Variants in APAF1 observed in about 807,000 individuals in gnomAD.
APAF1 encodes the protein apoptotic protease-activating factor 1.
In APAF1, 91 loss-of-function variants were observed where a neutral mutation model predicts 152.4. That is an observed-to-expected ratio of 0.60 (90% CI 0.50 to 0.71). The LOEUF is 0.71. Ranked by LOEUF, APAF1 falls within the 30% of genes least tolerant of loss-of-function variation. The pLI, the probability that APAF1 is intolerant of heterozygous loss-of-function variation, is 0.00. For missense variants in APAF1, 1,283 were observed against 1,472.0 expected (o/e 0.87, Z 2.10); for synonymous variants, 484 against 494.1 (o/e 0.98, Z 0.27).
In APAF1 at chr12:98,659,301, C is replaced by A. The variant is rs778498609; in HGVS notation, c.668C>A (p.Ala223Asp). 1 of 1,614,042 alleles carries A rather than the reference C, an allele frequency of 6.2e-7. No homozygotes were observed. The highest frequency in any genetic ancestry group is 8.5e-7 in the Non-Finnish European group (1 of 1,180,026). The part of the protein sequence containing the change: ...SQRLPLNIEE[A>D]KDRLRILMLR... ...AGGCTTCCACTTAATATTGAAGAGG[C>A]TAAAGACCGTCTCCGCATTCTGATG... Residue 223 changes from alanine to aspartate, a missense_variant, in exon 5 of 27, where the codon GCT becomes GAT. Physicochemically the swap from Ala to Asp is moderately radical, Grantham distance 126. Transcript: ENST00000551964.
chr12:98,667,762 T>C (rs2097675015), intron 10 of APAF1, 118 bp downstream of exon 10: 1 of 856,362 alleles, frequency 1.2e-6, no homozygotes, highest in Non-Finnish European at 1.7e-6. Context: ...TGCTTTCCAT[T>C]TGATTTTTTT....
intron 11 of APAF1, 60 bp from the exon 12 acceptor site, chr12:98,671,475 T>C (rs2097680038): frequency 2.6e-6 from 4 of 1,529,286 alleles, no homozygotes; most frequent in African/African-American, 1.4e-5. Context: ...ATCACAGAAA[T>C]GGAAAAATGT....
At chr12:98,706,340 A>T in intron 18 of APAF1, 145 bp from the exon 19 acceptor site, 1 of 825,346 alleles carries the variant, frequency 1.2e-6, no homozygotes, top group South Asian at 1.4e-5. Context: ...TCTTCTGCAT[A>T]AGACATTTTG....
chr12:98,712,596 A>T, intron 21 of APAF1, 161 bp downstream of exon 21: 1 of 606,816 alleles, frequency 1.6e-6, no homozygotes, highest in South Asian at 1.9e-5. Flanking sequence ...AGCCGACTGC[A>T]GCCTTGACCT....
At chr12:98,680,443 A>G in intron 14 of APAF1, 41 bp downstream of exon 14, 2 of 1,600,414 alleles carry the variant, frequency 1.2e-6, no homozygotes, top group Non-Finnish European at 1.7e-6. Context: ...TCACAACAGA[A>G]TTCATTTTAT....
At chr12:98,673,860 A>G (rs1334006331) in intron 12 of APAF1, among the ~76,000 whole-genome samples, 2 of 152,264 alleles carry the variant, frequency 1.3e-5, no homozygotes, top group African/African-American at 4.8e-5. Flanking sequence ...AGAACTATGT[A>G]TAAGTAGAGA....
intron 4 of APAF1, among the ~76,000 whole-genome samples, chr12:98,658,678 C>A (rs930322593): frequency 1.3e-5 from 2 of 152,134 alleles, no homozygotes; most frequent in Admixed American, 6.6e-5. Flanking sequence ...TTCACACCCC[C>A]CCAGGTGACA....
chr12:98,691,403 A>G (rs1272911924), intron 16 of APAF1, among the ~76,000 whole-genome samples: 1 of 151,982 alleles, frequency 6.6e-6, no homozygotes, highest in African/African-American at 2.4e-5. Context: ...AAAACCTTTG[A>G]TTCTTCCTTG....
intron 4 of APAF1, among the ~76,000 whole-genome samples, chr12:98,655,114 C>T (rs2097655029): frequency 9.2e-6 from 1 of 108,892 alleles, no homozygotes; most frequent in Non-Finnish European, 1.9e-5. Context: ...TGAGTGGACA[C>T]AGCACATGTT....
At chr12:98,655,887 C>G (rs910981628) in intron 4 of APAF1, among the ~76,000 whole-genome samples, 2 of 151,994 alleles carry the variant, frequency 1.3e-5, no homozygotes, top group African/African-American at 4.8e-5. Context: ...GGGTTCACAC[C>G]ATTCTCCTGC....
Position 98,666,349 on chromosome 12 carries a change from C to T in APAF1, c.1354C>T (p.Gln452Ter), listed in dbSNP as rs2097672695. Reference protein sequence around the residue: ...VDFLTEKNCSQLQDLHKKIIT... With the variant: ...VDFLTEKNCS ...TTTTCTTACAGAGAAGAATTGCAGC[C>T]AGCTTCAGGTACTTGCATCTTGGTT... The change falls in exon 9 of 27, where the codon CAG (glutamine) becomes TAG (stop). Residue 452 changes from glutamine (Q) to a stop codon, truncating the protein, a stop_gained. Coordinates refer to ENST00000551964, the MANE Select transcript of APAF1 (RefSeq NM_181861.2). LOFTEE classifies it high-confidence loss of function. 6.2e-7 allele frequency: 1 copy of T among 1,612,294 alleles called. No individual in the cohort carries two copies. Among genetic ancestry groups the T allele is most frequent in the Non-Finnish European group, 8.5e-7 (1 of 1,179,594 alleles).
At chr12:98,729,751 ATGAC>A (rs2097757550) in intron 26 of APAF1, among the ~76,000 whole-genome samples, 1 of 152,204 alleles carries the variant, frequency 6.6e-6, no homozygotes, top group Non-Finnish European at 1.5e-5. Context: ...AAATATTTGA[ATGAC>A]TGGTGTTTTG....
intron 21 of APAF1, among the ~76,000 whole-genome samples, 192 bp from the exon 22 acceptor site, chr12:98,715,235 C>CTTATATATAT: frequency 1.8e-5 from 1 of 54,792 alleles, no homozygotes; most frequent in East Asian, 4.3e-4. Flanking sequence ...ACATGGTGTG[C>CTTATATATAT]ATATATATAT....
At chr12:98,675,190 T>G (rs1179324861) in intron 12 of APAF1, among the ~76,000 whole-genome samples, 1 of 152,238 alleles carries the variant, frequency 6.6e-6, no homozygotes, top group Non-Finnish European at 1.5e-5. Flanking sequence ...ATAGAAAGGT[T>G]TAGGTTGGTA....
intron 22 of APAF1, among the ~76,000 whole-genome samples, chr12:98,722,328 G>A (rs1291603217): frequency 6.6e-6 from 1 of 152,054 alleles, no homozygotes; most frequent in Non-Finnish European, 1.5e-5. Flanking sequence ...TTTTGGGTTT[G>A]TTGTTGTATT....
chr12:98,719,768 C>A (rs1409920176), intron 22 of APAF1, among the ~76,000 whole-genome samples: 1 of 152,076 alleles, frequency 6.6e-6, no homozygotes, highest in Non-Finnish European at 1.5e-5. Context: ...CTTTCTCATT[C>A]TTTTGATCTT....
At chr12:98,646,886 A>G (rs1028020777) in intron 1 of APAF1, among the ~76,000 whole-genome samples, 4 of 152,158 alleles carry the variant, frequency 2.6e-5, no homozygotes, top group African/African-American at 9.7e-5. Context: ...CACATCAGAA[A>G]GTGTTTCCTG....
In APAF1 at chr12:98,732,784, G is replaced by A. The variant is rs2097764221; in HGVS notation, c.*218G>A. The A allele has an allele frequency of 1.9e-6, 1 of 516,612 alleles. No homozygotes were observed. 32.0% of individuals were successfully genotyped at this position (516,612 alleles called of 1,614,324 possible). A position where few individuals can be genotyped will look rare whatever the true frequency, so the allele number is the denominator to read the frequency against. On this transcript the variant is annotated 3_prime_UTR_variant, in exon 27 of 27. Coordinates refer to ENST00000551964, the MANE Select transcript of APAF1 (RefSeq NM_181861.2). ...TTTTCATGATCATCATTAACAGTTTGTCCTTAGGATGCAAATGAAAATGTG... is the reference window on the plus strand; with the variant it reads ...TTTTCATGATCATCATTAACAGTTTATCCTTAGGATGCAAATGAAAATGTG...
chr12:98,712,230 A>T, intron 20 of APAF1, 89 bp from the exon 21 acceptor site: 1 of 785,098 alleles, frequency 1.3e-6, no homozygotes, highest in South Asian at 1.4e-5. Flanking sequence ...TCTGTGTTTT[A>T]TTTTATTTTT....
Sources: gnomAD v4.1 joint callset for allele counts (sites outside exome capture counted in the v4.1 genomes callset) on GRCh38, gnomAD v4.1.1 for gene constraint, MANE v1.5 for transcripts, NCBI Gene and HGNC (gene_info 2026-07-23, HGNC 2026-07-21) for gene names.